Variants in IK observed in about 807,000 individuals in gnomAD.
IK encodes the protein protein Red.
A neutral mutation model predicts 90.9 loss-of-function variants in IK; 47 were observed. The ratio of observed to expected loss-of-function variants is 0.52; its 90% CI spans 0.41 to 0.66. IK has a LOEUF of 0.66. IK is among the 30% of genes least tolerant of loss of function. The pLI is 0.00. For synonymous variants in IK, 201 were observed against 227.5 expected (o/e 0.88, Z 1.05); for missense variants, 385 against 709.3 (o/e 0.54, Z 5.19).
intron 15 of IK, 93 bp downstream of exon 15, chr5:140,660,288 A>AATTTTTTTTTTTTTT: frequency 2.5e-6 from 1 of 398,160 alleles, no homozygotes. Flanking sequence ...TCCCAGGGCT[A>AATTTTTTTTTTTTTT]CTTCTTTTTT....
intron 9 of IK, 139 bp downstream of exon 9, chr5:140,656,131 C>A: frequency 1.4e-6 from 1 of 702,194 alleles, no homozygotes; most frequent in Non-Finnish European, 2.3e-6. Flanking sequence ...TGAATCCATT[C>A]ACTTTTCCAC....
At chr5:140,648,831 T>A in intron 2 of IK, 1 of 374,980 alleles carries the variant, frequency 2.7e-6, no homozygotes, top group South Asian at 3.1e-5. Context: ...GAAATAAGGG[T>A]AAAATCATCT....
intron 8 of IK, 97 bp from the exon 9 acceptor site, chr5:140,655,731 TG>T: frequency 8.4e-7 from 1 of 1,196,252 alleles, no homozygotes; most frequent in African/African-American, 1.5e-5. Flanking sequence ...ACGCAAAGCT[TG>T]CATAGCACTT....
chr5:140,656,418 C>T (rs1581483431), intron 9 of IK, among the ~76,000 whole-genome samples: 2 of 152,314 alleles, frequency 1.3e-5, no homozygotes, highest in South Asian at 4.1e-4. Flanking sequence ...TTCCTGACCT[C>T]AAGTGATCCA....
chr5:140,655,283 T>G (rs1020925235), intron 8 of IK, among the ~76,000 whole-genome samples: 5 of 152,350 alleles, frequency 3.3e-5, no homozygotes, highest in Admixed American at 3.3e-4. Flanking sequence ...GACCTGAGTT[T>G]AAACCTTGAT....
rs529370052 is a variant in IK at position 140,649,516 on chromosome 5, C to T, written c.83+979C>T. Among the ~76,000 whole-genome samples, 7 of 150,664 alleles carry T rather than the reference C, an allele frequency of 4.6e-5. No homozygotes were observed. The East Asian group carries it at 9.9e-4, about 21-fold the overall frequency. On this transcript the variant is annotated intron_variant, in intron 2 of 19. Coordinates refer to ENST00000417647, the MANE Select transcript of IK (RefSeq NM_006083.4). ...AGGCGTGAGCCACCGTGCCCAGCCT[C>T]AGTCCTTTTCTTAGAAGTAACCACA...
At chr5:140,648,032 G>C in intron 1 of IK, 108 bp downstream of exon 1, 1 of 1,059,700 alleles carries the variant, frequency 9.4e-7, no homozygotes, top group Non-Finnish European at 1.4e-6. Context: ...GTGTGTGTGT[G>C]TGTGTGTGTG....
intron 1 of IK, 171 bp downstream of exon 1, chr5:140,648,095 T>G (rs2149804042): frequency 1.2e-6 from 1 of 804,104 alleles, no homozygotes; most frequent in East Asian, 2.5e-5. Context: ...GGGTCCTAAG[T>G]GAGGCCGACA....
chr5:140,650,400 A>G (rs978279484), intron 2 of IK, among the ~76,000 whole-genome samples: 11 of 152,174 alleles, frequency 7.2e-5, no homozygotes, highest in African/African-American at 2.7e-4. Flanking sequence ...CCCTAGTCAG[A>G]AGAGAGCTTT....
chr5:140,654,524 T>G lies in IK; in HGVS notation c.528T>G (p.Ala176=). Reference sequence around the variant, plus strand: ...GCTTGCTTTCCTGTTAGGTACGAGCTGAGATTGCCAGCAAAGAGAAAGAGG... The same window carrying G: ...GCTTGCTTTCCTGTTAGGTACGAGCGGAGATTGCCAGCAAAGAGAAAGAGG... The part of the protein sequence containing the change: ...LDFALLQKVR[A]EIASKEKEEE... The change falls in exon 7 of 20, where the codon GCT becomes GCG. Residue 176 remains alanine (A), a synonymous_variant. Transcript: ENST00000417647. 6.3e-7 allele frequency: 1 copy of G among 1,587,326 alleles called. No individual in the cohort carries two copies. Among genetic ancestry groups the G allele is most frequent in the Non-Finnish European group, 8.6e-7 (1 of 1,166,270 alleles).
At chr5:140,655,464 A>G (rs753744588) in intron 8 of IK, among the ~76,000 whole-genome samples, 2 of 152,226 alleles carry the variant, frequency 1.3e-5, no homozygotes, top group African/African-American at 2.4e-5. Flanking sequence ...TTCCATCATC[A>G]TCAATATTAC....
intron 5 of IK, among the ~76,000 whole-genome samples, 153 bp from the exon 6 acceptor site, chr5:140,653,785 A>G (rs1159225330): frequency 6.6e-6 from 1 of 151,890 alleles, no homozygotes. Flanking sequence ...TTGTATTTTT[A>G]GTAGAGATGG....
In IK at chr5:140,659,069, G is replaced by A. The variant is rs2149807997; in HGVS notation, c.1081G>A (p.Glu361Lys). Residue 361 changes from glutamate (E) to lysine (K), a missense_variant, in exon 12 of 20, where the codon GAA becomes AAA. Glu to Lys is a moderately conservative substitution (Grantham distance 56, BLOSUM62 1). This residue lies in a region of IK where 139 missense variants were observed against 172.0 expected (regional missense o/e 0.81). Transcript: ENST00000417647. ...AGACCGTGACCGAGAGCGAGAGCGA[G>A]AACGAGATCGGGAACGAGAGCGAGA... ...DRDRDRERER[E>K]RDRERERERD... 6.2e-7 allele frequency: 1 copy of A among 1,612,708 alleles called. No homozygotes were observed. Among genetic ancestry groups the A allele is most frequent in the Non-Finnish European group, 8.5e-7 (1 of 1,178,770 alleles).
At position 140,651,817 on chromosome 5, in the gene IK, G is replaced by A; in HGVS notation, c.176+11G>A. On this transcript the variant is annotated intron_variant, in intron 3 of 19. Transcript: ENST00000417647. Reference sequence around the variant, plus strand: ...GTCACGTCACCATGAGTAAGTCTTTGGGTGATCCAACCTGTCTCCCAACTT... The same window carrying A: ...GTCACGTCACCATGAGTAAGTCTTTAGGTGATCCAACCTGTCTCCCAACTT... The A allele has an allele frequency of 6.5e-7, 1 of 1,545,514 alleles. No individual in the cohort carries two copies. The highest frequency in any genetic ancestry group is 8.9e-7 in the Non-Finnish European group (1 of 1,118,346).
At chr5:140,657,798 T>C (rs924064056) in intron 10 of IK, 136 bp downstream of exon 10, 5 of 612,674 alleles carry the variant, frequency 8.2e-6, no homozygotes, top group South Asian at 4.2e-5. Context: ...TACTGGAGCA[T>C]TGGCAAGGAG....
chr5:140,657,505 A>G, intron 9 of IK, 49 bp from the exon 10 acceptor site: 2 of 1,246,626 alleles, frequency 1.6e-6, no homozygotes, highest in Non-Finnish European at 2.3e-6. Flanking sequence ...GAATAAATGA[A>G]GAGATTTCTG....
Position 140,652,202 on chromosome 5 carries a change from G to C in IK, c.236+55G>C, listed in dbSNP as rs556624410. 45 of 1,307,076 alleles carry C rather than the reference G, an allele frequency of 3.4e-5. No individual in the cohort carries two copies. In the Admixed American group the frequency reaches 6.6e-4, roughly 19 times the overall value. 81.0% of individuals were successfully genotyped at this position (1,307,076 alleles called of 1,614,324 possible). On this transcript the variant is annotated intron_variant, in intron 4 of 19. Coordinates refer to ENST00000417647, the MANE Select transcript of IK (RefSeq NM_006083.4). ...TAAGGTGGATAGTGTTTAGGGGAAA[G>C]AAGTAGGGGCTAATTATGAAGCTAG...
At chr5:140,648,416 C>T in intron 1 of IK, 55 bp from the exon 2 acceptor site, 1 of 1,527,388 alleles carries the variant, frequency 6.5e-7, no homozygotes, top group Non-Finnish European at 9.1e-7. Flanking sequence ...CAAATTTTTG[C>T]ATAGGATCTG....
chr5:140,648,270 A>G, intron 1 of IK: 1 of 708,816 alleles, frequency 1.4e-6, no homozygotes, highest in East Asian at 2.7e-5. Flanking sequence ...GTCTTCTCTG[A>G]TCCTCCAGCG....
Sources: allele counts gnomAD v4.1 joint callset (sites outside exome capture counted in the v4.1 genomes callset), GRCh38; gene constraint gnomAD v4.1.1; regional missense constraint gnomAD v4.1.1; transcripts MANE v1.5; gene names NCBI Gene and HGNC (gene_info 2026-07-23, HGNC 2026-07-21).